SLAIN1: variants seen among roughly 807,000 people sequenced by gnomAD.
SLAIN1 encodes the protein SLAIN family member 1, also known as SLAIN motif-containing protein 1.
SLAIN1 carries 17 observed loss-of-function variants against 55.4 expected under a neutral mutation model. The observed-to-expected ratio is 0.31, with a 90% CI of 0.21 to 0.46. The LOEUF (loss-of-function observed/expected upper bound fraction) is 0.46, where lower values mean the gene tolerates loss of function less well. SLAIN1 is among the 20% of genes least tolerant of loss of function. SLAIN1 has a pLI of 1.00. For synonymous variants in SLAIN1, 348 were observed against 337.4 expected (o/e 1.03, Z -0.35); for missense variants, 682 against 785.1 (o/e 0.87, Z 1.57).
chr13:77,753,426 A>T, intron 5 of SLAIN1, 68 bp downstream of exon 5: 1 of 890,660 alleles, frequency 1.1e-6, no homozygotes, highest in East Asian at 4.0e-5. Flanking sequence ...TTTTAATTGT[A>T]AGGAAAATGT....
chr13:77,701,147 A>G (rs1440505855), intron 1 of SLAIN1, among the ~76,000 whole-genome samples: 1 of 152,170 alleles, frequency 6.6e-6, no homozygotes, highest in African/African-American at 2.4e-5. Context: ...TAACTGTATC[A>G]CCTACAGTTT....
rs1031254479 is a variant in SLAIN1 at position 77,697,863 on chromosome 13, C to T, written c.-51C>T. 9.6e-5 allele frequency: 122 copies of T among 1,272,112 alleles called. No individual in the cohort carries two copies. Among genetic ancestry groups the T allele is most frequent in the Non-Finnish European group, 1.1e-4 (113 of 1,009,720 alleles). The allele number at this position is 1,272,112 out of a possible 1,614,324, so 78.8% of individuals were successfully genotyped here. On this transcript the variant is annotated 5_prime_UTR_variant, in exon 1 of 7. Transcript: ENST00000418532. ...GTAGCCTCCCCGTGGCCCGAGGAGC[C>T]GGCGCGGCGGCGCGCACTCCCCGGC...
intron 2 of SLAIN1, among the ~76,000 whole-genome samples, chr13:77,720,768 T>C (rs749086755): frequency 2.0e-5 from 3 of 152,172 alleles, no homozygotes; most frequent in Non-Finnish European, 4.4e-5. Flanking sequence ...ACTTAATTAG[T>C]ATTCTGTACT....
chr13:77,752,333 G>T (rs1874285191), intron 4 of SLAIN1, among the ~76,000 whole-genome samples: 1 of 143,628 alleles, frequency 7.0e-6, no homozygotes, highest in Non-Finnish European at 1.5e-5. Flanking sequence ...AATTTCTAGG[G>T]TTGTTTTGGT....
rs149567385 is a variant in SLAIN1, at chr13:77,756,271, T to G, written c.1414+2913T>G. The stretch of plus-strand genomic sequence containing the variant: ...GTAATTTCATTTCAAATGAAATTGG[T>G]TGGCATTTCATTGACTCTGCAGATC... On this transcript the variant is annotated intron_variant, in intron 5 of 6. Transcript: ENST00000418532. 3.2e-3 allele frequency among the ~76,000 whole-genome samples: 480 copies of G among 152,174 alleles called. 3 individuals carry two copies. The highest frequency in any genetic ancestry group is 0.011 in the African/African-American group (443 of 41,520).
At chr13:77,741,151 G>C (rs117135906) in intron 2 of SLAIN1, 4 of 985,288 alleles carry the variant, frequency 4.1e-6, no homozygotes, top group Non-Finnish European at 3.6e-6. Context: ...GTGAGAACAC[G>C]CAGTTACTGT....
At position 77,761,064 on chromosome 13, in the gene SLAIN1, A is replaced by G; in HGVS notation, c.1651A>G (p.Asn551Asp). Reference sequence around the variant, plus strand: ...ACTCCCAAGACCTTCGTTGGCAATAAATGGGAGTAACCTGCCTCGAAGCAA... The same window carrying G: ...ACTCCCAAGACCTTCGTTGGCAATAGATGGGAGTAACCTGCCTCGAAGCAA... ...SALPRPSLAINGSNLPRSKIA... is the reference protein window; with the variant it reads ...SALPRPSLAIDGSNLPRSKIA... The change falls in exon 6 of 7, where the codon AAT becomes GAT. Residue 551 changes from asparagine (N) to aspartate (D), a missense_variant. Physicochemically the swap from Asn to Asp is conservative, Grantham distance 23 (BLOSUM62 1). This residue lies in a region of SLAIN1 where 244 missense variants were observed against 295.2 expected (regional missense o/e 0.83). Transcript: ENST00000418532. The G allele has an allele frequency of 6.2e-7, 1 of 1,614,152 alleles. No individual in the cohort carries two copies. Among genetic ancestry groups the G allele is most frequent in the Non-Finnish European group, 8.5e-7 (1 of 1,180,000 alleles).
At chr13:77,734,051 G>A (rs961675808) in intron 2 of SLAIN1, among the ~76,000 whole-genome samples, 3 of 152,074 alleles carry the variant, frequency 2.0e-5, no homozygotes, top group African/African-American at 7.2e-5. Flanking sequence ...GAATTCTTTT[G>A]TTAAAGTTTA....
chr13:77,763,019 A>T, intron 6 of SLAIN1, 126 bp from the exon 7 acceptor site: 1 of 725,696 alleles, frequency 1.4e-6, no homozygotes, highest in East Asian at 2.6e-5. Flanking sequence ...GGTACACTTG[A>T]GATGGTGCCA....
intron 2 of SLAIN1, chr13:77,742,912 GCTTTGT>G: frequency 3.1e-6 from 2 of 646,998 alleles, no homozygotes; most frequent in Non-Finnish European, 4.2e-6. Flanking sequence ...ATGAAAAGTT[GCTTTGT>G]CTTTTTTTTT....
At chr13:77,724,619 G>T (rs1475255989) in intron 2 of SLAIN1, among the ~76,000 whole-genome samples, 1 of 152,120 alleles carries the variant, frequency 6.6e-6, no homozygotes, top group African/African-American at 2.4e-5. Flanking sequence ...GTCAATGATG[G>T]TTAATTGACA....
At chr13:77,734,583 TTGTCTAGG>T (rs1438718548) in intron 2 of SLAIN1, among the ~76,000 whole-genome samples, 2 of 152,148 alleles carry the variant, frequency 1.3e-5, no homozygotes, top group Non-Finnish European at 2.9e-5. Flanking sequence ...GTCGCCATAG[TTGTCTAGG>T]TAGATACAGT....
intron 3 of SLAIN1, 76 bp from the exon 4 acceptor site, chr13:77,746,438 C>T: frequency 3.2e-6 from 4 of 1,266,396 alleles, no homozygotes; most frequent in Non-Finnish European, 4.3e-6. Flanking sequence ...CACAATTTTT[C>T]ATCTAATACT....
intron 1 of SLAIN1, among the ~76,000 whole-genome samples, chr13:77,711,507 C>G (rs1195985820): frequency 6.6e-6 from 1 of 152,108 alleles, no homozygotes; most frequent in Non-Finnish European, 1.5e-5. Flanking sequence ...CACAAACACC[C>G]TCCCCAGACT....
At chr13:77,756,204 G>A (rs1874592114) in intron 5 of SLAIN1, among the ~76,000 whole-genome samples, 1 of 151,994 alleles carries the variant, frequency 6.6e-6, no homozygotes, top group African/African-American at 2.4e-5. Flanking sequence ...TATGTTACAT[G>A]TAGGAGAGAT....
intron 2 of SLAIN1, among the ~76,000 whole-genome samples, chr13:77,723,851 AG>A (rs2091284161): frequency 6.6e-6 from 1 of 151,660 alleles, no homozygotes; most frequent in African/African-American, 2.4e-5. Context: ...AGAATCGCCT[AG>A]ATTGATGTTC....
At chr13:77,747,405 G>C (rs1364058339) in intron 4 of SLAIN1, among the ~76,000 whole-genome samples, 1 of 152,168 alleles carries the variant, frequency 6.6e-6, no homozygotes, top group Non-Finnish European at 1.5e-5. Context: ...TCATGACATA[G>C]CTGGCTCGGA....
At chr13:77,730,889 A>G (rs1470682249) in intron 2 of SLAIN1, among the ~76,000 whole-genome samples, 2 of 152,182 alleles carry the variant, frequency 1.3e-5, no homozygotes, top group Non-Finnish European at 2.9e-5. Flanking sequence ...TTAAATCATA[A>G]GTTTTTTGGT....
chr13:77,741,461 G>C, intron 2 of SLAIN1: 1 of 987,124 alleles, frequency 1.0e-6, no homozygotes, highest in South Asian at 4.7e-5. Flanking sequence ...GGTTGGATAA[G>C]TGACATATAC....
Sources: gnomAD v4.1 joint callset for allele counts (sites outside exome capture counted in the v4.1 genomes callset) on GRCh38, gnomAD v4.1.1 for gene constraint, gnomAD v4.1.1 regional missense constraint, MANE v1.5 for transcripts, NCBI Gene and HGNC (gene_info 2026-07-23, HGNC 2026-07-21) for gene names.